The following EML5 variants were observed in gnomAD, a reference collection of about 807,000 sequenced individuals.
The protein encoded by EML5 is EMAP like 5, also known as echinoderm microtubule-associated protein-like 5.
A neutral mutation model predicts 250.0 loss-of-function variants in EML5; 120 were observed. The observed-to-expected ratio is 0.48, with a 90% confidence interval of 0.41 to 0.56. The LOEUF is 0.56. EML5 is among the 20% of genes least tolerant of loss of function. The probability of loss-of-function intolerance (pLI) is 0.00; values close to 1 mark genes in which losing one functional copy is unlikely to be tolerated. For missense variants in EML5, 2,006 were observed against 2,437.6 expected (o/e 0.82, Z 3.73); for synonymous variants, 771 against 806.5 (o/e 0.96, Z 0.75).
At position 88,661,716 on chromosome 14, in the gene EML5, T is replaced by C; in HGVS notation, c.3613A>G (p.Lys1205Glu). ...TCGTCCCCGGTAGCTAGAACCATTT[T>C]GTCACTGGTGAGGCAAGAAGCAGTT... Reference protein sequence around the residue: ...DVTASCLTSDKMVLATGDDLG... With the variant: ...DVTASCLTSDEMVLATGDDLG... Residue 1205 changes from lysine (K) to glutamate (E), a missense_variant, in exon 25 of 44, where the codon AAA becomes GAA. Around this residue, in one of 7 missense-constraint regions of EML5, gnomAD observed 1,375 missense variants for 1,590.3 expected, o/e 0.86. Coordinates refer to ENST00000554922, the MANE Select transcript of EML5 (RefSeq NM_183387.3). 1 of 1,613,702 alleles carries C rather than the reference T, an allele frequency of 6.2e-7. No homozygotes were observed. The highest frequency in any genetic ancestry group is 8.5e-7 in the Non-Finnish European group (1 of 1,179,768).
At position 88,729,309 on chromosome 14, in the gene EML5, C is replaced by A. The variant is rs759264997; in HGVS notation, c.1050-2631G>T. Among the ~76,000 whole-genome samples, 6 of 152,162 alleles carry A rather than the reference C, an allele frequency of 3.9e-5. No individual in the cohort carries two copies. In the East Asian group the frequency reaches 1.2e-3, roughly 29 times the overall value. ...CAAAGGAAAATCTTCAATACTTCAA[C>A]ATTAAATATGATATTTGCTGGTGAC... is the stretch of plus-strand genomic sequence containing the variant. On this transcript the variant is annotated intron_variant, in intron 7 of 43. Coordinates refer to ENST00000554922, the MANE Select transcript of EML5 (RefSeq NM_183387.3).
intron 1 of EML5, among the ~76,000 whole-genome samples, chr14:88,784,625 C>G (rs372474548): frequency 1.3e-5 from 2 of 152,148 alleles, no homozygotes; most frequent in African/African-American, 2.4e-5. Context: ...TAACAAATAA[C>G]AAGATCAAAG....
At chr14:88,688,634 A>AT (rs1566637510) in intron 17 of EML5, among the ~76,000 whole-genome samples, 161 bp from the exon 18 acceptor site, 1 of 152,372 alleles carries the variant, frequency 6.6e-6, no homozygotes, top group East Asian at 1.9e-4. Flanking sequence ...TGATGTGGGT[A>AT]ACACCTTGCA....
rs764906034 is a variant in EML5 at position 88,685,046 on chromosome 14, T to C, written c.2951A>G (p.Asp984Gly). The C allele has an allele frequency of 6.2e-7, 1 of 1,609,442 alleles. No homozygotes were observed. The highest frequency in any genetic ancestry group is 8.5e-7 in the Non-Finnish European group (1 of 1,177,768). The change falls in exon 20 of 44, where the codon GAT (aspartate) becomes GGT (glycine). Residue 984 changes from aspartate to glycine, a missense_variant. By Grantham distance (94) the Asp-to-Gly change is moderately conservative (BLOSUM62 -1). Coordinates refer to ENST00000554922, the MANE Select transcript of EML5 (RefSeq NM_183387.3). ...CAGAAGTGTTATTGGGCCACTTTTATCCACTTCTAGTATTTCACCATTCTT... is the reference window on the plus strand; with the variant it reads ...CAGAAGTGTTATTGGGCCACTTTTACCCACTTCTAGTATTTCACCATTCTT... ...GTKNGEILEV[D>G]KSGPITLLVQ...
chr14:88,714,034 C>T (rs925694163), intron 9 of EML5, among the ~76,000 whole-genome samples: 5 of 148,994 alleles, frequency 3.4e-5, no homozygotes, highest in Admixed American at 6.7e-5. Flanking sequence ...GGCAGGGTTT[C>T]GCCATGTTGC....
intron 20 of EML5, among the ~76,000 whole-genome samples, chr14:88,683,026 G>A (rs1376668905): frequency 1.4e-5 from 2 of 139,322 alleles, no homozygotes; most frequent in East Asian, 2.1e-4. Context: ...TTCATTTACA[G>A]CAGAGTGTGA....
At chr14:88,747,012 T>C (rs1209713590) in intron 2 of EML5, among the ~76,000 whole-genome samples, 3 of 152,068 alleles carry the variant, frequency 2.0e-5, no homozygotes, top group Non-Finnish European at 1.5e-5. Flanking sequence ...ACTTCAACAA[T>C]GTGGCCCAAG....
intron 1 of EML5, among the ~76,000 whole-genome samples, chr14:88,766,338 T>C (rs2094319702): frequency 6.6e-6 from 1 of 152,218 alleles, no homozygotes; most frequent in African/African-American, 2.4e-5. Context: ...GAAATATTGC[T>C]GAATTCTTTT....
In EML5 at chr14:88,792,395, C is replaced by G; in HGVS notation, c.109G>C (p.Val37Leu). The change falls in exon 1 of 44, where the codon GTA becomes CTA. Residue 37 changes from valine to leucine, a missense_variant. Val to Leu is a conservative substitution (Grantham distance 32). Around this residue, in one of 7 missense-constraint regions of EML5, gnomAD observed 162 missense variants for 212.2 expected, o/e 0.76. Transcript: ENST00000554922. The surrounding 1 kb of genome is among the most constrained non-coding windows in gnomAD (Gnocchi z 6.9). ...NLYYTAAKEI[V>L]YFVAGVGVVY... ...ACGCCGACCCCCGCCACGAAGTATA[C>G]GATCTCCTTGGCCGCAGTGTAGTAG... 6.4e-7 allele frequency: 1 copy of G among 1,571,124 alleles called. No homozygotes were observed. Among genetic ancestry groups the G allele is most frequent in the East Asian group, 2.4e-5 (1 of 42,084 alleles).
chr14:88,730,823 AAAGT>A (rs1172564068), intron 7 of EML5, among the ~76,000 whole-genome samples: 3 of 152,226 alleles, frequency 2.0e-5, no homozygotes, highest in Middle Eastern at 3.2e-3. Context: ...TGGTGGGAAA[AAAGT>A]ATGTATAGAA....
At chr14:88,634,073 C>T (rs1379738602) in intron 33 of EML5, among the ~76,000 whole-genome samples, 2 of 152,146 alleles carry the variant, frequency 1.3e-5, no homozygotes, top group African/African-American at 4.8e-5. Context: ...TGAATTGTAA[C>T]CCCCAGTGTT....
intron 14 of EML5, among the ~76,000 whole-genome samples, chr14:88,697,922 A>G (rs1177241358): frequency 6.6e-6 from 1 of 151,976 alleles, no homozygotes; most frequent in Non-Finnish European, 1.5e-5. Context: ...TTTTTAGTAG[A>G]CACAGGGTTT....
At chr14:88,786,698 T>G (rs1392756808) in intron 1 of EML5, among the ~76,000 whole-genome samples, 1 of 152,180 alleles carries the variant, frequency 6.6e-6, no homozygotes, top group African/African-American at 2.4e-5. Flanking sequence ...TCTCACGAGA[T>G]CTGATGGTTT....
chr14:88,762,366 G>A (rs7148308), intron 1 of EML5, among the ~76,000 whole-genome samples: 1 of 151,914 alleles, frequency 6.6e-6, no homozygotes, highest in Non-Finnish European at 1.5e-5. Flanking sequence ...AAAAATTAGC[G>A]GGTTGTGGTG....
rs1245258486 is a variant in EML5 at position 88,695,369 on chromosome 14, T to G, written c.2430A>C (p.Ser810=). The G allele has an allele frequency of 4.3e-6, 7 of 1,609,384 alleles. No individual in the cohort carries two copies. Among genetic ancestry groups the G allele is most frequent in the Non-Finnish European group, 5.9e-6 (7 of 1,178,086 alleles). The change falls in exon 16 of 44, where the codon TCA becomes TCC. Residue 810 remains serine (S), a synonymous_variant. Coordinates refer to ENST00000554922, the MANE Select transcript of EML5 (RefSeq NM_183387.3). ...LWDWKKGEKL[S]IARGSKDKIF... ...TCAAGTTTTTTTCCTACCTTGCTAT[T>G]GAAAGTTTCTCTCCTTTCTTCCAGT... is the stretch of plus-strand genomic sequence containing the variant.
intron 31 of EML5, among the ~76,000 whole-genome samples, chr14:88,639,320 T>C (rs541452580): frequency 2.0e-5 from 3 of 152,312 alleles, no homozygotes; most frequent in African/African-American, 4.8e-5. Context: ...GAAAGTGTTG[T>C]GTATCCATAT....
chr14:88,647,871 A>G (rs892758359), intron 28 of EML5, among the ~76,000 whole-genome samples: 5 of 152,050 alleles, frequency 3.3e-5, no homozygotes, highest in African/African-American at 7.2e-5. Context: ...ATTTAAGCTT[A>G]TTTTTGTTTT....
chr14:88,750,330 A>G (rs2094073872), intron 2 of EML5, among the ~76,000 whole-genome samples: 1 of 152,194 alleles, frequency 6.6e-6, no homozygotes, highest in Non-Finnish European at 1.5e-5. Flanking sequence ...TACACTATTT[A>G]AAGGAGTTAG....
At chr14:88,736,824 A>AT (rs900331392) in intron 6 of EML5, among the ~76,000 whole-genome samples, 2 of 150,926 alleles carry the variant, frequency 1.3e-5, no homozygotes, top group Admixed American at 6.6e-5. Context: ...TCCTTCCCTA[A>AT]TTTTTTTTTA....
Sources: gnomAD v4.1 joint callset for allele counts (sites outside exome capture counted in the v4.1 genomes callset) on GRCh38, gnomAD v4.1.1 for gene constraint, gnomAD v4.1.1 regional missense constraint, Gnocchi (gnomAD v3.1) non-coding constraint, MANE v1.5 for transcripts, NCBI Gene and HGNC (gene_info 2026-07-23, HGNC 2026-07-21) for gene names.